TIAM1: variants seen among roughly 807,000 people sequenced by gnomAD.
TIAM1 encodes the protein rho guanine nucleotide exchange factor TIAM1.
In TIAM1, 65 loss-of-function variants were observed where a neutral mutation model predicts 163.5. The observed-to-expected ratio is 0.40, with a 90% CI of 0.33 to 0.49. TIAM1 has a LOEUF of 0.49. Ranked by LOEUF, TIAM1 falls within the 20% of genes least tolerant of loss-of-function variation. TIAM1 has a pLI of 0.77. For synonymous variants in TIAM1, 833 were observed against 810.1 expected, an observed-to-expected ratio of 1.03 and a Z score of -0.48; for missense variants, 1,789 against 2,044.7, an observed-to-expected ratio of 0.87 and a Z score of 2.41.
intron 2 of TIAM1, among the ~76,000 whole-genome samples, chr21:31,377,864 C>T (rs1369057327): frequency 3.3e-5 from 5 of 151,028 alleles, no homozygotes; most frequent in East Asian, 1.9e-4. Flanking sequence ...GGGCCAGGTG[C>T]GGTGGCTCAC....
intron 20 of TIAM1, among the ~76,000 whole-genome samples, chr21:31,145,760 G>A (rs976203992): frequency 6.6e-6 from 1 of 151,622 alleles, no homozygotes; most frequent in African/African-American, 2.4e-5. Context: ...GTGAAGGAAA[G>A]ATAAAATTCC....
At chr21:31,485,326 T>TAAAATAACACAGAACATAAAATAA (rs1304314004) in intron 1 of TIAM1, among the ~76,000 whole-genome samples, 1 of 152,006 alleles carries the variant, frequency 6.6e-6, no homozygotes, top group East Asian at 1.9e-4. Flanking sequence ...CATCCTCACA[T>TAAAATAACACAGAACATAAAATAA]CTTACAACAC....
chr21:31,550,102 C>T (rs187926375), intron 1 of TIAM1, among the ~76,000 whole-genome samples: 1 of 147,542 alleles, frequency 6.8e-6, no homozygotes, highest in Non-Finnish European at 1.5e-5. Context: ...CCAGCCTGGG[C>T]GACAGAGAGA....
chr21:31,235,726 G>GT (rs2088714508), intron 6 of TIAM1, among the ~76,000 whole-genome samples: 1 of 152,184 alleles, frequency 6.6e-6, no homozygotes, highest in South Asian at 2.1e-4. Context: ...TTAAACTAAT[G>GT]TAAGAAAAGG....
chr21:31,351,680 T>C (rs1304674859), intron 2 of TIAM1, among the ~76,000 whole-genome samples: 3 of 152,046 alleles, frequency 2.0e-5, no homozygotes, highest in Non-Finnish European at 4.4e-5. Context: ...AGGGGAAAGA[T>C]CCACATGTGC....
rs370954256 is a variant in TIAM1 at position 31,203,114 on chromosome 21, TTTG to T, written c.2389-105_2389-103del. 2,554 of 953,364 alleles carry T rather than the reference TTTG, an allele frequency of 2.7e-3. 4 individuals carry two copies. Among genetic ancestry groups the T allele is most frequent in the South Asian group, 0.011 (682 of 63,940 alleles). 59.1% of individuals were successfully genotyped at this position (953,364 alleles called of 1,614,324 possible). On this transcript the variant is annotated intron_variant, in intron 11 of 27. Coordinates refer to ENST00000541036, the MANE Select transcript of TIAM1 (RefSeq NM_001353694.2). ...CGATGTATTCCTATGACCAATAGAG[TTTG>T]TTGTTGTTGTTGTTGTTGTTTTGAG...
intron 2 of TIAM1, among the ~76,000 whole-genome samples, chr21:31,352,088 T>C (rs1461434148): frequency 6.6e-6 from 1 of 150,912 alleles, no homozygotes; most frequent in African/African-American, 2.4e-5. Flanking sequence ...AAAAAGTGCA[T>C]CTTTGCTAAC....
intron 6 of TIAM1, among the ~76,000 whole-genome samples, chr21:31,237,124 G>A (rs1463862952): frequency 3.3e-5 from 5 of 152,200 alleles, no homozygotes; most frequent in Non-Finnish European, 7.4e-5. Flanking sequence ...GAGATCTCCA[G>A]GAATGGGAGA....
chr21:31,353,626 A>G (rs954219578), intron 2 of TIAM1, among the ~76,000 whole-genome samples: 15 of 152,216 alleles, frequency 9.9e-5, no homozygotes, highest in African/African-American at 2.9e-4. Flanking sequence ...TTTAACAGAT[A>G]AAGAAAACTG....
rs796606760 is a variant in TIAM1 at position 31,473,216 on chromosome 21, C to G, written c.-421-9181G>C. Among the ~76,000 whole-genome samples the G allele has an allele frequency of 1.4e-4, 22 of 152,100 alleles. 1 individual carries two copies. Among genetic ancestry groups the G allele is most frequent in the African/African-American group, 5.3e-4 (22 of 41,508 alleles). On this transcript the variant is annotated intron_variant, in intron 1 of 28. Transcript: ENST00000286827. ...GAGGCCAAGCGGGCAGATCACGAGG[C>G]CAGGAGATCGAGACCATCCTGGCTA... is the stretch of plus-strand genomic sequence containing the variant.
At chr21:31,260,708 A>G (rs2072417198) in intron 4 of TIAM1, among the ~76,000 whole-genome samples, 1 of 151,524 alleles carries the variant, frequency 6.6e-6, no homozygotes. Context: ...AAGAAAAAAA[A>G]AAAAGCATCA....
chr21:31,438,179 C>CTTTTT lies in TIAM1; in HGVS notation c.-369+25799_-369+25803dup, dbSNP rs34844399. 1.5e-3 allele frequency among the ~76,000 whole-genome samples: 91 copies of CTTTTT among 62,724 alleles called. 7 individuals carry two copies. Among genetic ancestry groups the CTTTTT allele is most frequent in the African/African-American group, 2.6e-3 (37 of 14,290 alleles). The allele number at this position is 62,724 out of a possible 152,430, so 41.1% of individuals were successfully genotyped here. ...ACATATGTAATTGCGTATTTGTGAT[C>CTTTTT]TTTTTTTTTTTTTTTTTTTTTTTTT... On this transcript the variant is annotated intron_variant, in intron 2 of 28. Coordinates refer to the TIAM1 transcript ENST00000286827.
chr21:31,525,331 G>A (rs1339520790), intron 1 of TIAM1, among the ~76,000 whole-genome samples: 3 of 148,478 alleles, frequency 2.0e-5, no homozygotes, highest in African/African-American at 7.5e-5. Context: ...ATTGCGCCAC[G>A]CACTCCAACC....
chr21:31,473,354 T>C (rs965859163), intron 1 of TIAM1, among the ~76,000 whole-genome samples: 4 of 138,274 alleles, frequency 2.9e-5, no homozygotes, highest in African/African-American at 1.1e-4. Flanking sequence ...AGCGTGAGCC[T>C]GGGAGGCAGA....
intron 22 of TIAM1, 82 bp from the exon 23 acceptor site, chr21:31,136,123 CTGA>C: frequency 1.6e-6 from 2 of 1,239,438 alleles, no homozygotes; most frequent in South Asian, 1.3e-5. Context: ...ATTCAGCATG[CTGA>C]TATTAATTTT....
chr21:31,341,120 T>C lies in TIAM1; in HGVS notation c.-368-1698A>G, dbSNP rs191330806. Among the ~76,000 whole-genome samples the C allele has an allele frequency of 8.4e-3, 1,282 of 152,276 alleles. 29 individuals carry two copies. Among genetic ancestry groups the C allele is most frequent in the African/African-American group, 0.03 (1,244 of 41,554 alleles). The stretch of plus-strand genomic sequence containing the variant: ...GGTAGGAGGCAGAAAATACTAATCG[T>C]TACACTGAAAACACTAAGTGTCACT... On this transcript the variant is annotated intron_variant, in intron 1 of 27. Coordinates refer to ENST00000541036, the MANE Select transcript of TIAM1 (RefSeq NM_001353694.2).
At chr21:31,126,941 A>C (rs1377951563) in intron 26 of TIAM1, 124 bp downstream of exon 26, 1 of 861,056 alleles carries the variant, frequency 1.2e-6, no homozygotes, top group Admixed American at 2.3e-5. Context: ...CTCTCCATTT[A>C]CTGCATCTCA....
chr21:31,549,125 T>G (rs560846997), intron 1 of TIAM1, among the ~76,000 whole-genome samples: 1 of 152,256 alleles, frequency 6.6e-6, no homozygotes, highest in African/African-American at 2.4e-5. Context: ...TGATTCAGAG[T>G]TTTTTTAAGT....
intron 4 of TIAM1, among the ~76,000 whole-genome samples, chr21:31,265,753 C>T (rs2072722447): frequency 6.6e-6 from 1 of 152,174 alleles, no homozygotes; most frequent in Non-Finnish European, 1.5e-5. Flanking sequence ...TATGAACTTA[C>T]TAGCTTTTTT....
Sources: gnomAD v4.1 joint callset for allele counts (sites outside exome capture counted in the v4.1 genomes callset) on GRCh38, gnomAD v4.1.1 for gene constraint, MANE v1.5 for transcripts, NCBI Gene and HGNC (gene_info 2026-07-23, HGNC 2026-07-21) for gene names.